HEG1: variants seen among roughly 807,000 people sequenced by gnomAD.
The protein encoded by HEG1 is heart development protein with EGF like domains 1.
A neutral mutation model predicts 125.6 loss-of-function variants in HEG1; 56 were observed. The ratio of observed to expected loss-of-function variants is 0.45; its 90% CI spans 0.36 to 0.56. The LOEUF (loss-of-function observed/expected upper bound fraction) is 0.56, where lower values mean the gene tolerates loss of function less well. HEG1 is among the 20% of genes least tolerant of loss of function. The pLI is 0.00. For missense variants in HEG1, 1,523 were observed against 1,670.0 expected, an observed-to-expected ratio of 0.91 and a Z score of 1.53; for synonymous variants, 644 against 668.5, an observed-to-expected ratio of 0.96 and a Z score of 0.57.
At chr3:125,050,628 T>C (rs1447374412) in intron 1 of HEG1, among the ~76,000 whole-genome samples, 1 of 152,252 alleles carries the variant, frequency 6.6e-6, no homozygotes, top group Non-Finnish European at 1.5e-5. Flanking sequence ...ATTTCTTCAG[T>C]TGTGAATCAC....
In HEG1 at chr3:125,027,272, T is replaced by C; in HGVS notation, c.846A>G (p.Gly282=). The C allele has an allele frequency of 6.2e-7, 1 of 1,613,252 alleles. No individual in the cohort carries two copies. Among genetic ancestry groups the C allele is most frequent in the Non-Finnish European group, 8.5e-7 (1 of 1,179,650 alleles). Residue 282 remains glycine, a synonymous_variant, in exon 3 of 17, where the codon GGA becomes GGG. Coordinates refer to ENST00000311127, the MANE Select transcript of HEG1 (RefSeq NM_020733.2). ...TTPSRKRNSS[G]PDLSWLHFYR... is the part of the protein sequence containing the mutation. Reference sequence around the variant, plus strand: ...AGAAATGCAGCCAGGAGAGATCTGGTCCTGAGGAATTTCTCTTCCTAGAAG... The same window carrying C: ...AGAAATGCAGCCAGGAGAGATCTGGCCCTGAGGAATTTCTCTTCCTAGAAG...
In HEG1 at chr3:125,013,696, A is replaced by C; in HGVS notation, c.1883T>G (p.Leu628Arg). The change falls in exon 6 of 17, where the codon CTG (leucine) becomes CGG (arginine). Residue 628 changes from leucine to arginine, a missense_variant. Coordinates refer to ENST00000311127, the MANE Select transcript of HEG1 (RefSeq NM_020733.2). ...GTAGGACGGAAGGTTGGATGTATGC[A>C]GAACTGGCGACTCAGTAGAAGGCTG... ...YAQPSTESPV[L>R]HTSNLPSYTP... 1.2e-6 allele frequency: 2 copies of C among 1,613,984 alleles called. No homozygotes were observed. Among genetic ancestry groups the C allele is most frequent in the South Asian group, 1.1e-5 (1 of 91,068 alleles).
chr3:124,971,273 G>T (rs189022896), intron 16 of HEG1: 1 of 419,864 alleles, frequency 2.4e-6, no homozygotes, highest in Non-Finnish European at 4.8e-6. Context: ...GCCCAATGTG[G>T]GAATCACCTG....
chr3:125,048,376 T>C lies in HEG1; in HGVS notation c.316+7199A>G, dbSNP rs542806997. Among the ~76,000 whole-genome samples, 67 of 152,314 alleles carry C rather than the reference T, an allele frequency of 4.4e-4. 2 individuals carry two copies. In the South Asian group the frequency reaches 0.013, roughly 29 times the overall value. ...ATCGACCTCCTTACCATGGTCCTCA[T>C]GGCCCTGGGTGATCCAGACACCCTG... is the stretch of plus-strand genomic sequence containing the variant. On this transcript the variant is annotated intron_variant, in intron 1 of 16. Coordinates refer to ENST00000311127, the MANE Select transcript of HEG1 (RefSeq NM_020733.2).
At chr3:124,997,991 A>C (rs931831179) in intron 11 of HEG1, among the ~76,000 whole-genome samples, 168 bp from the exon 12 acceptor site, 2 of 152,186 alleles carry the variant, frequency 1.3e-5, no homozygotes, top group Non-Finnish European at 2.9e-5. Flanking sequence ...TCAGGAGTCC[A>C]TCTGTACTGC....
At chr3:125,001,624 G>A (rs182962681) in intron 11 of HEG1, among the ~76,000 whole-genome samples, 158 of 152,290 alleles carry the variant, frequency 1.0e-3, no homozygotes, top group African/African-American at 3.6e-3. Context: ...AGGACCAGGT[G>A]TCTTCAAGGC....
At chr3:125,042,889 A>C (rs1215146363) in intron 1 of HEG1, among the ~76,000 whole-genome samples, 1 of 152,136 alleles carries the variant, frequency 6.6e-6, no homozygotes, top group Admixed American at 6.5e-5. Flanking sequence ...CAGCGAGGCC[A>C]CTCTGGGCTG....
chr3:125,049,726 C>G (rs1054688132), intron 1 of HEG1, among the ~76,000 whole-genome samples: 1 of 152,160 alleles, frequency 6.6e-6, no homozygotes, highest in African/African-American at 2.4e-5. Context: ...CTAACCCATG[C>G]TCTGTCCTCA....
chr3:125,045,069 G>A (rs1270778381), intron 1 of HEG1, among the ~76,000 whole-genome samples: 2 of 152,228 alleles, frequency 1.3e-5, no homozygotes, highest in Non-Finnish European at 2.9e-5. Flanking sequence ...TGGGAGATTA[G>A]TGGGACCATT....
At chr3:125,020,405 G>A (rs890016633) in intron 4 of HEG1, among the ~76,000 whole-genome samples, 4 of 152,174 alleles carry the variant, frequency 2.6e-5, no homozygotes, top group African/African-American at 7.2e-5. Context: ...TAGCCTGGGT[G>A]ACAGAGCCAG....
chr3:125,019,169 T>C (rs1937296834), intron 5 of HEG1, 93 bp downstream of exon 5: 3 of 1,065,900 alleles, frequency 2.8e-6, no homozygotes, highest in Non-Finnish European at 4.2e-6. Flanking sequence ...CGCTAGGCCC[T>C]CATGCGTGGT....
rs369356629 is a variant in HEG1 at position 124,990,653 on chromosome 3, C to T, written c.3733+134G>A. On this transcript the variant is annotated intron_variant, in intron 14 of 16. Transcript: ENST00000311127. ...CACGTCTGGCCTTTCTCTTTGTTTCCCCCATGCCATTGGCATAGAACCTAA... is the reference window on the plus strand; with the variant it reads ...CACGTCTGGCCTTTCTCTTTGTTTCTCCCATGCCATTGGCATAGAACCTAA... 1.4e-5 allele frequency: 12 copies of T among 836,666 alleles called. No homozygotes were observed. In the African/African-American group the frequency reaches 1.6e-4, roughly 11 times the overall value. The allele number at this position is 836,666 out of a possible 1,614,324, so 51.8% of individuals were successfully genotyped here.
chr3:125,050,282 T>C (rs755551724), intron 1 of HEG1, among the ~76,000 whole-genome samples: 1 of 152,142 alleles, frequency 6.6e-6, no homozygotes, highest in Non-Finnish European at 1.5e-5. Context: ...TAGCTGGGAT[T>C]ACAGGCACAT....
At chr3:125,052,864 G>C (rs533111179) in intron 1 of HEG1, among the ~76,000 whole-genome samples, 30 of 152,274 alleles carry the variant, frequency 2.0e-4, no homozygotes, top group African/African-American at 7.2e-4. Context: ...ATGCAAACGC[G>C]GTTACTCAGC....
chr3:125,019,120 G>C (rs1447437024), intron 5 of HEG1, 142 bp downstream of exon 5: 2 of 650,596 alleles, frequency 3.1e-6, no homozygotes, highest in Non-Finnish European at 5.3e-6. Flanking sequence ...CACCCACCTC[G>C]GCCTCCCAAA....
intron 15 of HEG1, among the ~76,000 whole-genome samples, chr3:124,974,513 C>A (rs1181977378): frequency 6.6e-6 from 1 of 152,074 alleles, no homozygotes; most frequent in Non-Finnish European, 1.5e-5. Context: ...CTACACGAAG[C>A]AAATATTTCA....
At position 124,997,823 on chromosome 3, in the gene HEG1, G is replaced by A. The variant is rs181022733; in HGVS notation, c.3518C>T (p.Ala1173Val). The change falls in exon 12 of 17, where the codon GCG becomes GTG. Residue 1173 changes from alanine (A) to valine (V), a missense_variant and splice_region_variant. Transcript: ENST00000311127. Reference sequence around the variant, plus strand: ...ACTCTTCCGCTTGCACAAGCTGCCCGCTGGAATGGAAAAACAAGACAGTGA... The same window carrying A: ...ACTCTTCCGCTTGCACAAGCTGCCCACTGGAATGGAAAAACAAGACAGTGA... ...LLGSQRRIFR[A>V]GSLCKRKSPE... is the part of the protein sequence containing the mutation. 61 of 1,563,634 alleles carry A rather than the reference G, an allele frequency of 3.9e-5. No individual in the cohort carries two copies. Among genetic ancestry groups the A allele is most frequent in the South Asian group, 1.2e-4 (10 of 82,710 alleles).
At chr3:125,026,121 G>A (rs1032513613) in intron 3 of HEG1, among the ~76,000 whole-genome samples, 1 of 152,140 alleles carries the variant, frequency 6.6e-6, no homozygotes, top group African/African-American at 2.4e-5. Context: ...ATGGTACGAG[G>A]ATGAAAACAC....
chr3:125,002,234 G>A, intron 10 of HEG1, 23 bp downstream of exon 10: 1 of 1,604,430 alleles, frequency 6.2e-7, no homozygotes, highest in Non-Finnish European at 8.5e-7. Context: ...TAGTTCACAA[G>A]CAAATATAAT....
Sources: gnomAD v4.1 joint callset for allele counts (sites outside exome capture counted in the v4.1 genomes callset) on GRCh38, gnomAD v4.1.1 for gene constraint, MANE v1.5 for transcripts, NCBI Gene and HGNC (gene_info 2026-07-23, HGNC 2026-07-21) for gene names.